The following EPB41L2 variants were observed in gnomAD, a reference collection of about 807,000 sequenced individuals.
The protein encoded by EPB41L2 is band 4.1-like protein 2.
Under a neutral mutation model 113.0 loss-of-function variants are expected in EPB41L2, and 43 were observed. The observed-to-expected ratio is 0.38, with a 90% CI of 0.30 to 0.49. The LOEUF is 0.49. EPB41L2 is among the 20% of genes least tolerant of loss of function. The pLI, the probability that EPB41L2 is intolerant of heterozygous loss-of-function variation, is 0.95. For missense variants in EPB41L2, 1,147 were observed against 1,223.4 expected (o/e 0.94, Z 0.93); for synonymous variants, 442 against 436.7 (o/e 1.01, Z -0.15).
chr6:130,930,132 C>CA (rs1806314757), intron 3 of EPB41L2, among the ~76,000 whole-genome samples: 1 of 152,112 alleles, frequency 6.6e-6, no homozygotes, highest in Admixed American at 6.5e-5. Context: ...ATTTGTATAA[C>CA]AGACACCCTG....
rs1785016948 is a variant in EPB41L2, at chr6:130,869,715, C to A, written c.2455G>T (p.Gly819Cys). 1 of 1,614,048 alleles carries A rather than the reference C, an allele frequency of 6.2e-7. No homozygotes were observed. The highest frequency in any genetic ancestry group is 1.3e-5 in the African/African-American group (1 of 74,906). ...TTCTCTCCGGGTATCTTTTGGGCAC[C>A]TACATTTTCCTGGATCACTGTTTCT... ...TVETVIQENV[G>C]AQKIPGEKSV... is the part of the protein sequence containing the mutation. The change falls in exon 15 of 20, where the codon GGT becomes TGT. Residue 819 changes from glycine (G) to cysteine (C), a missense_variant. By Grantham distance (159) the Gly-to-Cys change is radical (BLOSUM62 -3). Coordinates refer to ENST00000337057, the MANE Select transcript of EPB41L2 (RefSeq NM_001431.4).
At chr6:131,031,253 T>G (rs1379484612) in intron 1 of EPB41L2, among the ~76,000 whole-genome samples, 1 of 151,996 alleles carries the variant, frequency 6.6e-6, no homozygotes, top group Non-Finnish European at 1.5e-5. Context: ...AGACTAATGG[T>G]TAGAAAAGTA....
intron 1 of EPB41L2, among the ~76,000 whole-genome samples, chr6:130,960,671 TCAAAA>T (rs953235724): frequency 6.6e-6 from 1 of 152,170 alleles, no homozygotes; most frequent in Non-Finnish European, 1.5e-5. Flanking sequence ...TCAACAGAGC[TCAAAA>T]CAAAACACTA....
chr6:130,964,269 G>T (rs1584017538), intron 1 of EPB41L2, among the ~76,000 whole-genome samples: 1 of 152,022 alleles, frequency 6.6e-6, no homozygotes, highest in South Asian at 2.1e-4. Flanking sequence ...TGATCCACCC[G>T]CCTCAGTCTC....
At chr6:131,020,403 A>T (rs184012902) in intron 1 of EPB41L2, among the ~76,000 whole-genome samples, 2 of 152,138 alleles carry the variant, frequency 1.3e-5, no homozygotes, top group Admixed American at 6.5e-5. Flanking sequence ...CAGTTTCTGC[A>T]GCCTCTCTCA....
At chr6:130,987,308 T>G (rs73774346) in intron 1 of EPB41L2, among the ~76,000 whole-genome samples, 4,007 of 152,280 alleles carry the variant, frequency 0.026, 184 homozygotes, top group African/African-American at 0.092. Context: ...CCAGACTACT[T>G]TCCAACATGA....
intron 19 of EPB41L2, among the ~76,000 whole-genome samples, chr6:130,856,686 C>T (rs1780321131): frequency 6.6e-6 from 1 of 152,186 alleles, no homozygotes; most frequent in Non-Finnish European, 1.5e-5. Flanking sequence ...TGTGGGTTAC[C>T]TATCTATTGA....
intron 2 of EPB41L2, 124 bp downstream of exon 2, chr6:130,955,870 T>C: frequency 6.8e-7 from 1 of 1,470,314 alleles, no homozygotes; most frequent in South Asian, 1.4e-5. Context: ...CCATTCCGTA[T>C]ACATTAAGCT....
Position 130,955,066 on chromosome 6 carries a change from C to T in EPB41L2, c.705+39G>A, listed in dbSNP as rs1027312428. 9 of 1,563,252 alleles carry T rather than the reference C, an allele frequency of 5.8e-6. No individual in the cohort carries two copies. The African/African-American group carries it at 1.2e-4, about 21-fold the overall frequency. On this transcript the variant is annotated intron_variant, in intron 3 of 19. Transcript: ENST00000337057. The stretch of plus-strand genomic sequence containing the variant: ...CTATTCATCATGCCATGCCACAATC[C>T]ACATATCAAGCTAGCTCTCACTCAG...
chr6:130,878,158 G>T lies in EPB41L2; in HGVS notation c.1989C>A (p.Arg663=). 1.9e-6 allele frequency: 3 copies of T among 1,613,482 alleles called. No homozygotes were observed. The highest frequency in any genetic ancestry group is 2.5e-6 in the Non-Finnish European group (3 of 1,179,786). ...TACGTCGTTTTTCCCATTCATTAGG[G>T]CGCGGCTCAGGTGTGGATTCCATAA... ...RNFMESTPEP[R]PNEWEKRRIT... is the part of the protein sequence containing the mutation. Residue 663 remains arginine (R), a synonymous_variant, in exon 14 of 20, where the codon CGC becomes CGA. Coordinates refer to ENST00000337057, the MANE Select transcript of EPB41L2 (RefSeq NM_001431.4).
At chr6:130,975,567 A>G (rs1192576261) in intron 1 of EPB41L2, among the ~76,000 whole-genome samples, 1 of 152,216 alleles carries the variant, frequency 6.6e-6, no homozygotes, top group Non-Finnish European at 1.5e-5. Flanking sequence ...ATATCACAGA[A>G]AAGACAATGA....
At chr6:131,001,765 T>C (rs1191224802) in intron 1 of EPB41L2, among the ~76,000 whole-genome samples, 1 of 152,206 alleles carries the variant, frequency 6.6e-6, no homozygotes. Context: ...AAGTAGATCC[T>C]AGCAACGAAA....
chr6:130,946,796 C>T (rs937458548), intron 3 of EPB41L2, among the ~76,000 whole-genome samples: 3 of 151,788 alleles, frequency 2.0e-5, no homozygotes, highest in African/African-American at 7.3e-5. Flanking sequence ...ACAAAAATGC[C>T]CCCATGAATT....
At chr6:131,026,218 C>T in intron 1 of EPB41L2, among the ~76,000 whole-genome samples, 1 of 152,172 alleles carries the variant, frequency 6.6e-6, no homozygotes, top group Admixed American at 6.5e-5. Flanking sequence ...CAGGAACAAA[C>T]AGATAACAGA....
At chr6:130,880,784 T>A (rs777184954) in intron 12 of EPB41L2, 3 of 348,558 alleles carry the variant, frequency 8.6e-6, no homozygotes, top group African/African-American at 2.1e-5. Context: ...GGAACAAGAA[T>A]ATGAGAGTGC....
Position 130,840,083 on chromosome 6 carries a change from C to T in EPB41L2, c.*521G>A, listed in dbSNP as rs1272805454. 6.6e-6 allele frequency: 1 copy of T among 152,214 alleles called. No homozygotes were observed. The highest frequency in any genetic ancestry group is 1.5e-5 in the Non-Finnish European group (1 of 68,028). The allele number at this position is 152,214 out of a possible 1,614,324, so 9.4% of individuals were successfully genotyped here. On this transcript the variant is annotated 3_prime_UTR_variant, in exon 20 of 20. Transcript: ENST00000337057. ...GGCTTTTAATCTGTATTAATATTTTCTCATACAGTATATTTGCTGCAATTT... is the reference window on the plus strand; with the variant it reads ...GGCTTTTAATCTGTATTAATATTTTTTCATACAGTATATTTGCTGCAATTT...
chr6:131,032,054 T>G (rs535169104), intron 1 of EPB41L2, among the ~76,000 whole-genome samples: 1 of 152,254 alleles, frequency 6.6e-6, no homozygotes, highest in East Asian at 1.9e-4. Flanking sequence ...AAGAGAAAAC[T>G]ACTCAAAGAA....
intron 3 of EPB41L2, among the ~76,000 whole-genome samples, chr6:130,932,320 T>TAA (rs5880044): frequency 0.13 from 19,364 of 148,354 alleles, 1,587 homozygotes; most frequent in African/African-American, 0.22. Context: ...ACATTGCTTT[T>TAA]AAAAAAAAAA....
chr6:130,846,921 T>C (rs1777224606), intron 19 of EPB41L2, among the ~76,000 whole-genome samples: 1 of 152,228 alleles, frequency 6.6e-6, no homozygotes, highest in African/African-American at 2.4e-5. Flanking sequence ...ATCTTACTCT[T>C]AGAGATGTCC....
Sources: gnomAD v4.1 joint callset for allele counts (sites outside exome capture counted in the v4.1 genomes callset) on GRCh38, gnomAD v4.1.1 for gene constraint, MANE v1.5 for transcripts, NCBI Gene and HGNC (gene_info 2026-07-23, HGNC 2026-07-21) for gene names.